ADAMTS18: variants seen among roughly 807,000 people sequenced by gnomAD.
ADAMTS18 encodes ADAM metallopeptidase with thrombospondin type 1 motif 18.
In ADAMTS18, 157 loss-of-function variants were observed where a neutral mutation model predicts 165.9. That is an observed-to-expected ratio of 0.95 (90% CI 0.83 to 1.08). ADAMTS18 has a LOEUF of 1.08. Among genes scored for constraint, ADAMTS18 ranks in the 50% least tolerant of loss-of-function variants. The probability of loss-of-function intolerance (pLI) is 0.00; values close to 1 mark genes in which losing one functional copy is unlikely to be tolerated. For synonymous variants in ADAMTS18, 782 were observed against 578.2 expected (o/e 1.35, Z -5.06); for missense variants, 2,040 against 1,534.0 (o/e 1.33, Z -5.51).
intron 3 of ADAMTS18, among the ~76,000 whole-genome samples, chr16:77,373,476 AAAAG>A (rs2056905851): frequency 6.6e-6 from 1 of 151,534 alleles, no homozygotes; most frequent in African/African-American, 2.4e-5. Context: ...AAAAAAAAAA[AAAAG>A]AAAGAAAAGA....
chr16:77,368,814 C>T (rs2056836586), intron 3 of ADAMTS18, among the ~76,000 whole-genome samples: 1 of 152,122 alleles, frequency 6.6e-6, no homozygotes, highest in Non-Finnish European at 1.5e-5. Context: ...TCTAGAGAAT[C>T]TGATGAGTGG....
chr16:77,320,979 G>C (rs2055986590), intron 15 of ADAMTS18, 100 bp downstream of exon 15: 1 of 1,440,026 alleles, frequency 6.9e-7, no homozygotes, highest in South Asian at 1.1e-5. Flanking sequence ...AGTGTGTCCA[G>C]TGAACTAGTA....
chr16:77,339,716 GTAT>G (rs1294735887), intron 11 of ADAMTS18, among the ~76,000 whole-genome samples: 2 of 151,804 alleles, frequency 1.3e-5, no homozygotes, highest in Non-Finnish European at 2.9e-5. Context: ...TCATTGTTTT[GTAT>G]CATCATGGCC....
At chr16:77,376,809 C>CTTTTTTTTTTTTTTTTTTTTTTTTTTTTT (rs549942617) in intron 3 of ADAMTS18, among the ~76,000 whole-genome samples, 1 of 103,484 alleles carries the variant, frequency 9.7e-6, no homozygotes. Flanking sequence ...CTAAATCATT[C>CTTTTTTTTTTTTTTTTTTTTTTTTTTTTT]TTTTTTTTTT....
chr16:77,360,496 G>T (rs1238632643), intron 7 of ADAMTS18, among the ~76,000 whole-genome samples: 1 of 149,698 alleles, frequency 6.7e-6, no homozygotes, highest in African/African-American at 2.6e-5. Flanking sequence ...TAGAATTTCT[G>T]GTGTTTTGTT....
intron 11 of ADAMTS18, among the ~76,000 whole-genome samples, chr16:77,338,951 C>A (rs8049870): frequency 0.093 from 9,305 of 99,868 alleles, 719 homozygotes; most frequent in African/African-American, 0.29. Context: ...AAGACTCCAT[C>A]TCAAAAAAAA....
chr16:77,334,738 T>C lies in ADAMTS18; in HGVS notation c.1859+1018A>G, dbSNP rs1358033029. ...TATAGTATACTACTATATACTATAG[T>C]ATATATACTGTATACTATAGTATAC... On this transcript the variant is annotated intron_variant, in intron 12 of 22. Coordinates refer to ENST00000282849, the MANE Select transcript of ADAMTS18 (RefSeq NM_199355.4). 2.3e-3 allele frequency among the ~76,000 whole-genome samples: 269 copies of C among 116,888 alleles called. 1 individual carries two copies. The highest frequency in any genetic ancestry group is 3.5e-3 in the Non-Finnish European group (209 of 60,058). The allele number at this position is 116,888 out of a possible 152,430, so 76.7% of individuals were successfully genotyped here.
At chr16:77,362,699 T>TAC (rs2056733785) in intron 6 of ADAMTS18, among the ~76,000 whole-genome samples, 2 of 132,104 alleles carry the variant, frequency 1.5e-5, no homozygotes, top group South Asian at 2.5e-4. Flanking sequence ...TCAATCAATA[T>TAC]AATGAAAATT....
intron 3 of ADAMTS18, among the ~76,000 whole-genome samples, chr16:77,415,181 A>G (rs772286014): frequency 2.6e-5 from 4 of 152,226 alleles, no homozygotes; most frequent in Non-Finnish European, 4.4e-5. Context: ...CAAATTGCCC[A>G]TTGCGTCTAC....
chr16:77,323,310 A>T (rs1486869584), intron 13 of ADAMTS18, among the ~76,000 whole-genome samples: 1 of 152,196 alleles, frequency 6.6e-6, no homozygotes, highest in Non-Finnish European at 1.5e-5. Flanking sequence ...GTTTGCAAAT[A>T]GTTGTGCTTC....
In ADAMTS18 at chr16:77,295,003, G is replaced by C; in HGVS notation, c.2926C>G (p.Pro976Ala). ...TGGACCTGAGTGGGTGTGCTCACTG[G>C]ACAGAGAGAATGCAACACTGCTTCC... ...KEEAVLHSLC[P>A]VSTPTQVQAC... The change falls in exon 19 of 23, where the codon CCA becomes GCA. Residue 976 changes from proline to alanine, a missense_variant. Transcript: ENST00000282849. The C allele has an allele frequency of 6.2e-7, 1 of 1,614,160 alleles. No individual in the cohort carries two copies. The highest frequency in any genetic ancestry group is 8.5e-7 in the Non-Finnish European group (1 of 1,180,028).
At chr16:77,350,243 G>A (rs1057388831) in intron 10 of ADAMTS18, among the ~76,000 whole-genome samples, 1 of 152,120 alleles carries the variant, frequency 6.6e-6, no homozygotes, top group African/African-American at 2.4e-5. Context: ...CTTTGGATGA[G>A]AACAGAGATC....
intron 4 of ADAMTS18, among the ~76,000 whole-genome samples, chr16:77,366,419 G>C (rs554400507): frequency 6.6e-6 from 1 of 152,036 alleles, no homozygotes; most frequent in East Asian, 1.9e-4. Context: ...TTAGCTTGGC[G>C]TGCTGGCGTG....
intron 16 of ADAMTS18, among the ~76,000 whole-genome samples, chr16:77,318,606 A>C (rs1249865449): frequency 6.6e-6 from 1 of 152,218 alleles, no homozygotes; most frequent in Non-Finnish European, 1.5e-5. Flanking sequence ...GATAATAATA[A>C]TAACAGTTAC....
chr16:77,335,967 C>A, intron 11 of ADAMTS18, 63 bp from the exon 12 acceptor site: 1 of 1,594,924 alleles, frequency 6.3e-7, no homozygotes, highest in Non-Finnish European at 8.6e-7. Context: ...CAGGGAGTTG[C>A]CAACACCTGC....
At chr16:77,326,160 G>A (rs908123255) in intron 12 of ADAMTS18, 122 bp from the exon 13 acceptor site, 13 of 921,456 alleles carry the variant, frequency 1.4e-5, no homozygotes, top group African/African-American at 4.9e-5. Flanking sequence ...AAGGCATACA[G>A]TCTATTACAG....
At chr16:77,340,185 A>G (rs12051144) in intron 11 of ADAMTS18, among the ~76,000 whole-genome samples, 13,369 of 152,044 alleles carry the variant, frequency 0.088, 802 homozygotes, top group East Asian at 0.27. Flanking sequence ...TATATTTTTA[A>G]TTTATTTTTG....
In ADAMTS18 at chr16:77,434,789, G is replaced by T; in HGVS notation, c.-94C>A. On this transcript the variant is annotated 5_prime_UTR_variant, in exon 1 of 23. Coordinates refer to ENST00000282849, the MANE Select transcript of ADAMTS18 (RefSeq NM_199355.4). ...TCTTTCCGCGGCCCCGGAGCTCGGC[G>T]CCCCAGGTGCGGCTCCAGGTGAGAG... 1.8e-6 allele frequency: 2 copies of T among 1,101,644 alleles called. No homozygotes were observed. The highest frequency in any genetic ancestry group is 2.4e-6 in the Non-Finnish European group (2 of 850,108). 68.2% of individuals were successfully genotyped at this position (1,101,644 alleles called of 1,614,324 possible). A position where few individuals can be genotyped will look rare whatever the true frequency, so the allele number is the denominator to read the frequency against.
At chr16:77,394,714 C>A (rs2057234455) in intron 3 of ADAMTS18, among the ~76,000 whole-genome samples, 2 of 152,176 alleles carry the variant, frequency 1.3e-5, no homozygotes, top group Non-Finnish European at 2.9e-5. Context: ...AAGTATTTAG[C>A]ATAAAAAGCA....
Sources: allele counts gnomAD v4.1 joint callset (sites outside exome capture counted in the v4.1 genomes callset), GRCh38; gene constraint gnomAD v4.1.1; transcripts MANE v1.5; gene names NCBI Gene and HGNC (gene_info 2026-07-23, HGNC 2026-07-21).